SUPT3H: variants seen among roughly 807,000 people sequenced by gnomAD.
SUPT3H encodes SPT3 homolog, SAGA and STAGA complex component.
Under a neutral mutation model 44.3 loss-of-function variants are expected in SUPT3H, and 44 were observed. The ratio of observed to expected loss-of-function variants is 0.99; its 90% CI spans 0.78 to 1.28. The LOEUF (loss-of-function observed/expected upper bound fraction) is 1.28. SUPT3H is among the 50% of genes most tolerant of loss of function. The pLI is 0.00. For missense variants in SUPT3H, 380 were observed against 387.1 expected, an observed-to-expected ratio of 0.98 and a Z score of 0.15; for synonymous variants, 124 against 125.6, an observed-to-expected ratio of 0.99 and a Z score of 0.09.
chr6:45,228,887 G>A (rs1317263726), intron 2 of SUPT3H, among the ~76,000 whole-genome samples: 14 of 152,076 alleles, frequency 9.2e-5, no homozygotes, highest in African/African-American at 2.2e-4. Flanking sequence ...CGATCCACCC[G>A]TCTTGGCCTC....
intron 6 of SUPT3H, among the ~76,000 whole-genome samples, chr6:44,976,182 G>C (rs1317906302): frequency 6.6e-6 from 1 of 152,024 alleles, no homozygotes; most frequent in Non-Finnish European, 1.5e-5. Context: ...TTTTTTTCCT[G>C]AGAATGCCAA....
chr6:45,230,412 G>A (rs979749823), intron 2 of SUPT3H, among the ~76,000 whole-genome samples: 1 of 151,696 alleles, frequency 6.6e-6, no homozygotes, highest in Admixed American at 6.6e-5. Context: ...GCATGCCCCA[G>A]TGTGGGGGGG....
At chr6:45,159,485 G>C (rs1808583221) in intron 2 of SUPT3H, 1 of 152,144 alleles carries the variant, frequency 6.6e-6, no homozygotes, top group Non-Finnish European at 1.5e-5. Flanking sequence ...CTTGGATCTA[G>C]AGCCATCAAT....
chr6:44,953,686 G>T (rs1774663372), intron 8 of SUPT3H, among the ~76,000 whole-genome samples: 2 of 152,104 alleles, frequency 1.3e-5, no homozygotes, highest in African/African-American at 4.8e-5. Flanking sequence ...TTCTAATTCA[G>T]TAGGTCTGTT....
intron 2 of SUPT3H, among the ~76,000 whole-genome samples, chr6:45,317,886 AAC>A (rs1784937891): frequency 2.0e-5 from 3 of 152,202 alleles, no homozygotes; most frequent in East Asian, 1.9e-4. Context: ...GAAAACAATC[AAC>A]AGAGTAAAGA....
intron 6 of SUPT3H, among the ~76,000 whole-genome samples, chr6:44,962,675 GT>G (rs1312590607): frequency 6.6e-6 from 1 of 151,872 alleles, no homozygotes; most frequent in African/African-American, 2.4e-5. Context: ...GTCTGTGGAT[GT>G]TTTTGTATTT....
At chr6:44,863,451 G>T (rs1441742702) in intron 10 of SUPT3H, among the ~76,000 whole-genome samples, 1 of 152,130 alleles carries the variant, frequency 6.6e-6, no homozygotes, top group Non-Finnish European at 1.5e-5. Context: ...GTTCGTGAAG[G>T]TATCATTAGA....
chr6:45,266,168 T>TA (rs1775227296), intron 2 of SUPT3H, among the ~76,000 whole-genome samples: 1 of 151,822 alleles, frequency 6.6e-6, no homozygotes, highest in African/African-American at 2.4e-5. Flanking sequence ...GACAATTTTT[T>TA]TTTTAAGAAA....
intron 5 of SUPT3H, among the ~76,000 whole-genome samples, chr6:45,009,613 A>G (rs1783190379): frequency 6.6e-6 from 1 of 152,124 alleles, no homozygotes; most frequent in Non-Finnish European, 1.5e-5. Flanking sequence ...GTCAATATCA[A>G]CTGATCCTAA....
chr6:45,130,872 C>A (rs573966397), intron 2 of SUPT3H, among the ~76,000 whole-genome samples: 1 of 151,924 alleles, frequency 6.6e-6, no homozygotes, highest in East Asian at 1.9e-4. Context: ...CATGTGCCAC[C>A]ACGCCCAGCT....
chr6:44,810,654 TC>T lies in SUPT3H; in HGVS notation c.*53-1154del, dbSNP rs1323528541. Reference sequence around the variant, plus strand: ...GGGGCATGGTGGCTCACGCCTGTAATCCCAGCACTTTGGGAGGCTGAGGCAG... The same window carrying T: ...GGGGCATGGTGGCTCACGCCTGTAATCCAGCACTTTGGGAGGCTGAGGCAG... On this transcript the variant is annotated intron_variant and NMD_transcript_variant, in intron 11 of 11. Coordinates refer to the SUPT3H transcript ENST00000475057. Among the ~76,000 whole-genome samples, 18 of 149,804 alleles carry T rather than the reference TC, an allele frequency of 1.2e-4. No individual in the cohort carries two copies. In the East Asian group the frequency reaches 3.1e-3, roughly 26 times the overall value.
intron 10 of SUPT3H, among the ~76,000 whole-genome samples, chr6:44,900,609 A>T (rs1282441657): frequency 6.6e-6 from 1 of 152,198 alleles, no homozygotes; most frequent in East Asian, 1.9e-4. Flanking sequence ...GGGCTTAGCC[A>T]AACTAAAGGC....
At chr6:44,913,940 GTCC>G (rs1236153866) in intron 10 of SUPT3H, among the ~76,000 whole-genome samples, 1 of 152,070 alleles carries the variant, frequency 6.6e-6, no homozygotes, top group Non-Finnish European at 1.5e-5. Flanking sequence ...ATCAACTTGA[GTCC>G]TCATTAAATA....
chr6:45,011,943 A>G (rs888303874), intron 5 of SUPT3H, among the ~76,000 whole-genome samples: 1 of 152,038 alleles, frequency 6.6e-6, no homozygotes, highest in Non-Finnish European at 1.5e-5. Context: ...TTTGCTGGAT[A>G]TAAGTTTCTC....
intron 2 of SUPT3H, among the ~76,000 whole-genome samples, chr6:45,200,282 A>G (rs1460891248): frequency 2.6e-5 from 4 of 151,468 alleles, no homozygotes; most frequent in African/African-American, 9.7e-5. Flanking sequence ...GTATTATCAT[A>G]CAAAATATTG....
intron 3 of SUPT3H, among the ~76,000 whole-genome samples, chr6:45,042,630 A>G (rs929833696): frequency 6.6e-6 from 1 of 152,190 alleles, no homozygotes; most frequent in Non-Finnish European, 1.5e-5. Context: ...AGAAATAGGA[A>G]CACTTTTACA....
intron 5 of SUPT3H, among the ~76,000 whole-genome samples, chr6:45,006,015 A>G (rs1562243803): frequency 6.6e-6 from 1 of 152,090 alleles, no homozygotes; most frequent in Non-Finnish European, 1.5e-5. Flanking sequence ...TGTGTCTTCT[A>G]TAATTATTCC....
chr6:45,108,954 A>G (rs1320170421), intron 2 of SUPT3H, among the ~76,000 whole-genome samples: 1 of 152,146 alleles, frequency 6.6e-6, no homozygotes. Flanking sequence ...AATTATTTGA[A>G]TTAATAAGTT....
Position 45,150,040 on chromosome 6 carries a change from G to GT in SUPT3H, c.102-44035dup, listed in dbSNP as rs570751502. Reference sequence around the variant, plus strand: ...TTGAAATTGGGGCCCCAGCATCAATGTTTTTTTTAAGAGCTCCTCAGAATG... The same window carrying GT: ...TTGAAATTGGGGCCCCAGCATCAATGTTTTTTTTTAAGAGCTCCTCAGAATG... On this transcript the variant is annotated intron_variant, in intron 2 of 10. Transcript: ENST00000371459. 2.3e-3 allele frequency among the ~76,000 whole-genome samples: 356 copies of GT among 151,776 alleles called. 2 individuals are homozygous for GT. Among genetic ancestry groups the GT allele is most frequent in the African/African-American group, 7.8e-3 (323 of 41,352 alleles).
Sources: allele counts gnomAD v4.1 joint callset (sites outside exome capture counted in the v4.1 genomes callset), GRCh38; gene constraint gnomAD v4.1.1; transcripts MANE v1.5; gene names NCBI Gene and HGNC (gene_info 2026-07-23, HGNC 2026-07-21).